PROM1: variants seen among roughly 807,000 people sequenced by gnomAD.
The protein encoded by PROM1 is prominin-1.
A neutral mutation model predicts 116.9 loss-of-function variants in PROM1; 105 were observed. That is an observed-to-expected ratio of 0.90 (90% CI 0.77 to 1.06). The LOEUF (loss-of-function observed/expected upper bound fraction) is 1.06, where lower values mean the gene tolerates loss of function less well. PROM1 is among the 50% of genes least tolerant of loss of function. The pLI is 0.00. For synonymous variants in PROM1, 393 were observed against 387.0 expected, an observed-to-expected ratio of 1.02 and a Z score of -0.18; for missense variants, 1,122 against 1,045.2, an observed-to-expected ratio of 1.07 and a Z score of -1.01.
At chr4:16,075,645 G>C in intron 2 of PROM1, 42 bp downstream of exon 2, 1 of 1,536,882 alleles carries the variant, frequency 6.5e-7, no homozygotes, top group Non-Finnish European at 8.9e-7. Flanking sequence ...TTGTGGGTGC[G>C]TTTGGAGATA....
At chr4:15,979,222 A>G (rs559478210) in intron 26 of PROM1, among the ~76,000 whole-genome samples, 173 bp downstream of exon 26, 11 of 152,378 alleles carry the variant, frequency 7.2e-5, no homozygotes, top group Non-Finnish European at 1.0e-4. Context: ...CTGAACATTT[A>G]AACTCATGGC....
chr4:16,054,094 G>A (rs142944209), intron 2 of PROM1, among the ~76,000 whole-genome samples: 13 of 152,116 alleles, frequency 8.5e-5, no homozygotes, highest in East Asian at 1.9e-4. Context: ...ACTCTGTCTC[G>A]AACAAAACAA....
intron 2 of PROM1, among the ~76,000 whole-genome samples, chr4:16,070,943 A>G (rs1033730029): frequency 1.3e-5 from 2 of 152,170 alleles, no homozygotes; most frequent in African/African-American, 2.4e-5. Context: ...CGTGGCATCA[A>G]ATTGATTGTA....
intron 27 of PROM1, among the ~76,000 whole-genome samples, chr4:15,969,744 T>C (rs1000194177): frequency 1.3e-5 from 2 of 151,692 alleles, no homozygotes; most frequent in African/African-American, 4.9e-5. Context: ...CCTGGCTAAT[T>C]TTTATATTTT....
chr4:16,075,543 C>T (rs1489790178), intron 2 of PROM1, 144 bp downstream of exon 2: 2 of 802,228 alleles, frequency 2.5e-6, no homozygotes, highest in East Asian at 5.5e-5. Context: ...GTCTTCTTAA[C>T]TTCTGTCTAA....
chr4:16,006,613 A>G lies in PROM1; in HGVS notation c.1379T>C (p.Val460Ala). ...IFYYLGLLCG[V>A]CGYDRHATPT... is the part of the protein sequence containing the mutation. Reference sequence around the variant, plus strand: ...GGTGGCATGCCTGTCATAGCCGCACACGCCACACAGTAAGCCCAGGTAGTA... The same window carrying G: ...GGTGGCATGCCTGTCATAGCCGCACGCGCCACACAGTAAGCCCAGGTAGTA... The change falls in exon 13 of 28, where the codon GTG becomes GCG. Residue 460 changes from valine (V) to alanine (A), a missense_variant. By Grantham distance (64) the Val-to-Ala change is moderately conservative. Transcript: ENST00000447510. The G allele has an allele frequency of 1.2e-6, 2 of 1,611,284 alleles. No homozygotes were observed. Among genetic ancestry groups the G allele is most frequent in the African/African-American group, 1.3e-5 (1 of 75,020 alleles).
rs551604333 is a variant in PROM1 at position 15,969,187 on chromosome 4, C to T, written c.*206G>A. 107 of 152,222 alleles carry T rather than the reference C, an allele frequency of 7.0e-4. No homozygotes were observed. The highest frequency in any genetic ancestry group is 2.6e-3 in the African/African-American group (106 of 41,532). 9.4% of individuals were successfully genotyped at this position (152,222 alleles called of 1,614,324 possible). On this transcript the variant is annotated 3_prime_UTR_variant, in exon 28 of 28. Transcript: ENST00000447510. ...GAGTCATCCTTGAATAGTGATGGAC[C>T]ATGGACTATAACGTGATTGTGTTCA... is the stretch of plus-strand genomic sequence containing the variant.
chr4:15,977,015 C>A (rs1458209048), intron 26 of PROM1, among the ~76,000 whole-genome samples: 1 of 152,182 alleles, frequency 6.6e-6, no homozygotes, highest in Non-Finnish European at 1.5e-5. Context: ...TGGGCAACTC[C>A]CTACAGGCCA....
At chr4:16,024,534 T>G (rs865979378) in intron 6 of PROM1, among the ~76,000 whole-genome samples, 176 bp from the exon 7 acceptor site, 3 of 152,208 alleles carry the variant, frequency 2.0e-5, no homozygotes, top group Non-Finnish European at 4.4e-5. Context: ...ATCACACATT[T>G]AGGCTGCTTC....
intron 8 of PROM1, among the ~76,000 whole-genome samples, chr4:16,020,899 A>G (rs1729684366): frequency 6.6e-6 from 1 of 152,190 alleles, no homozygotes; most frequent in Non-Finnish European, 1.5e-5. Context: ...CCAGGATCAT[A>G]TATGTTATGT....
At chr4:16,016,589 G>T (rs779629679) in intron 9 of PROM1, among the ~76,000 whole-genome samples, 3 of 152,150 alleles carry the variant, frequency 2.0e-5, no homozygotes, top group Non-Finnish European at 2.9e-5. Flanking sequence ...AAGCAATGTA[G>T]TCAGTGGTTA....
At chr4:15,975,110 T>G (rs1715767271) in intron 26 of PROM1, among the ~76,000 whole-genome samples, 2 of 152,172 alleles carry the variant, frequency 1.3e-5, no homozygotes, top group Admixed American at 1.3e-4. Flanking sequence ...AAGATTATGG[T>G]CATTATAGTG....
In PROM1 at chr4:15,992,303, T is replaced by C. The variant is rs905919709; in HGVS notation, c.1856A>G (p.Gln619Arg). The change falls in exon 17 of 28, where the codon CAG (glutamine) becomes CGG (arginine). Residue 619 changes from glutamine to arginine, a missense_variant. Gln to Arg is a conservative substitution (Grantham distance 43). Transcript: ENST00000447510. ...GTCTATTCCACAAGCAGCAAAATCC[T>C]GAAGGTTTTTTCTTCCTGCTGCACC... Reference protein sequence around the residue: ...LLGAAGRKNLQDFAACGIDRM... With the variant: ...LLGAAGRKNLRDFAACGIDRM... 1.9e-5 allele frequency: 30 copies of C among 1,613,868 alleles called. No individual in the cohort carries two copies. The highest frequency in any genetic ancestry group is 5.0e-5 in the Admixed American group (3 of 60,000).
chr4:16,013,712 G>T (rs780296714), intron 10 of PROM1, among the ~76,000 whole-genome samples: 2 of 152,190 alleles, frequency 1.3e-5, no homozygotes, highest in East Asian at 3.9e-4. Context: ...AGACATTTTG[G>T]TTATCACAGT....
chr4:16,069,293 T>G (rs970883714), intron 2 of PROM1, among the ~76,000 whole-genome samples: 1 of 152,152 alleles, frequency 6.6e-6, no homozygotes, highest in Non-Finnish European at 1.5e-5. Flanking sequence ...TTTAGAGAAT[T>G]TATAGGAAAC....
chr4:15,992,489 A>C, intron 16 of PROM1, 98 bp from the exon 17 acceptor site: 1 of 1,314,206 alleles, frequency 7.6e-7, no homozygotes, highest in Non-Finnish European at 1.0e-6. Context: ...GTGGTGGCTC[A>C]TGCCTGCAAT....
At chr4:16,012,870 C>CAAAAAAAAAAAAAAAAAAAAAAAAAAA (rs71179681) in intron 11 of PROM1, among the ~76,000 whole-genome samples, 1 of 84,270 alleles carries the variant, frequency 1.2e-5, no homozygotes, top group African/African-American at 4.7e-5. Flanking sequence ...GACTCTGTCT[C>CAAAAAAAAAAAAAAAAAAAAAAAAAAA]AAAAAAAAAA....
chr4:16,040,245 G>A (rs1734903116), intron 2 of PROM1, among the ~76,000 whole-genome samples: 2 of 150,672 alleles, frequency 1.3e-5, no homozygotes, highest in African/African-American at 2.4e-5. Flanking sequence ...TCAGAGATAT[G>A]GGCTGATGTT....
In PROM1 at chr4:16,006,586, G is replaced by C; in HGVS notation, c.1406C>G (p.Pro469Arg). Residue 469 changes from proline (P) to arginine (R), a missense_variant, in exon 13 of 28, where the codon CCG becomes CGG. By Grantham distance (103) the Pro-to-Arg change is moderately radical. Transcript: ENST00000447510. Reference sequence around the variant, plus strand: ...GTTGGAGACACAGCCTCGGGTGGTCGGGGTGGCATGCCTGTCATAGCCGCA... The same window carrying C: ...GTTGGAGACACAGCCTCGGGTGGTCCGGGTGGCATGCCTGTCATAGCCGCA... ...GVCGYDRHAT[P>R]TTRGCVSNTG... is the part of the protein sequence containing the mutation. 1 of 1,605,086 alleles carries C rather than the reference G, an allele frequency of 6.2e-7. No homozygotes were observed. The highest frequency in any genetic ancestry group is 8.5e-7 in the Non-Finnish European group (1 of 1,176,122).
Sources: gnomAD v4.1 joint callset for allele counts (sites outside exome capture counted in the v4.1 genomes callset) on GRCh38, gnomAD v4.1.1 for gene constraint, MANE v1.5 for transcripts, NCBI Gene and HGNC (gene_info 2026-07-23, HGNC 2026-07-21) for gene names.